PGAP6: variants seen among roughly 807,000 people sequenced by gnomAD.
PGAP6 encodes post-GPI attachment to proteins factor 6.
A neutral mutation model predicts 68.4 loss-of-function variants in PGAP6; 62 were observed. That is an observed-to-expected ratio of 0.91 (90% CI 0.74 to 1.12). The LOEUF is 1.12. Among genes scored for constraint, PGAP6 ranks in the 50% most tolerant of loss-of-function variants. PGAP6 has a pLI of 0.00. For missense variants in PGAP6, 1,188 were observed against 1,068.5 expected (o/e 1.11, Z -1.56); for synonymous variants, 575 against 474.0 (o/e 1.21, Z -2.77).
At chr16:380,798 G>A (rs1855626530) in intron 1 of PGAP6, among the ~76,000 whole-genome samples, 2 of 144,128 alleles carry the variant, frequency 1.4e-5, no homozygotes, top group South Asian at 2.1e-4. Context: ...TCAGGGGCAG[G>A]GGAGGGGAGG....
intron 11 of PGAP6, 37 bp downstream of exon 11, chr16:373,968 C>T (rs1036187510): frequency 1.9e-6 from 3 of 1,565,304 alleles, no homozygotes; most frequent in South Asian, 1.1e-5. Context: ...GGGCCCTGCT[C>T]CCCCGGAGCC....
intron 1 of PGAP6, among the ~76,000 whole-genome samples, chr16:380,821 G>T (rs1472280233): frequency 6.6e-6 from 1 of 152,128 alleles, no homozygotes; most frequent in Non-Finnish European, 1.5e-5. Context: ...CTGGGGGCCG[G>T]GAAGTCGGGG....
At position 377,403 on chromosome 16, in the gene PGAP6, G is replaced by C. The variant is rs1291590836; in HGVS notation, c.482C>G (p.Pro161Arg). 2.5e-6 allele frequency: 4 copies of C among 1,604,112 alleles called. No individual in the cohort carries two copies. Among genetic ancestry groups the C allele is most frequent in the Non-Finnish European group, 2.6e-6 (3 of 1,175,172 alleles). The change falls in exon 3 of 13, where the codon CCC becomes CGC. Residue 161 changes from proline to arginine, a missense_variant. By Grantham distance (103) the Pro-to-Arg change is moderately radical. Transcript: ENST00000431232. Reference sequence around the variant, plus strand: ...CTTCAACTCGATCTTCTGGGATGAGGGGGGCAGGTGGGCGGCCACGAACCA... The same window carrying C: ...CTTCAACTCGATCTTCTGGGATGAGCGGGGCAGGTGGGCGGCCACGAACCA... ...GDWFVAAHLP[P>R]SSQKIELKGL...
chr16:379,548 G>A (rs1567326274), intron 1 of PGAP6, among the ~76,000 whole-genome samples: 1 of 152,236 alleles, frequency 6.6e-6, no homozygotes, highest in South Asian at 2.1e-4. Flanking sequence ...GGACCACGGT[G>A]TCCCGGAGAA....
chr16:375,473 C>G, intron 6 of PGAP6, 38 bp from the exon 7 acceptor site: 1 of 1,592,486 alleles, frequency 6.3e-7, no homozygotes, highest in Non-Finnish European at 8.6e-7. Flanking sequence ...CTCCAGCAGC[C>G]CCTGGCCGCA....
chr16:375,527 G>A lies in PGAP6; in HGVS notation c.1225-92C>T, dbSNP rs1482286895. 4 of 1,065,884 alleles carry A rather than the reference G, an allele frequency of 3.8e-6. No homozygotes were observed. In the East Asian group the frequency reaches 7.3e-5, roughly 20 times the overall value. The allele number at this position is 1,065,884 out of a possible 1,614,324, so 66.0% of individuals were successfully genotyped here. On this transcript the variant is annotated intron_variant, in intron 6 of 12. Coordinates refer to ENST00000431232, the MANE Select transcript of PGAP6 (RefSeq NM_021259.3). ...CGTGCCAGCTCAGCCTGGTGCTGGTGCCTTTCTTTTTTTTTTTTTTTCTGA... is the reference window on the plus strand; with the variant it reads ...CGTGCCAGCTCAGCCTGGTGCTGGTACCTTTCTTTTTTTTTTTTTTTCTGA...
rs148128206 is a variant in PGAP6, at chr16:372,113, G to C, written c.2190C>G (p.Ala730=). Residue 730 remains alanine (A), a synonymous_variant, in exon 13 of 13, where the codon GCC becomes GCG. Transcript: ENST00000431232. ...YTHSIWHILL[A]GSAALLLPPP... The stretch of plus-strand genomic sequence containing the variant: ...GCGGCAGCAGCAAGGCTGCGCTCCC[G>C]GCCAGCAGGATGTGCCAGATGCTGT... 1.2e-6 allele frequency: 2 copies of C among 1,612,786 alleles called. No individual in the cohort carries two copies. Among genetic ancestry groups the C allele is most frequent in the South Asian group, 2.2e-5 (2 of 91,082 alleles).
At chr16:382,069 A>T, upstream of PGAP6, 1 of 335,332 alleles carries the variant, frequency 3.0e-6, no homozygotes, top group Non-Finnish European at 4.3e-6. Flanking sequence ...CGCCGGGGGG[A>T]GGGGTCACGT....
chr16:386,883 C>T (rs13331152), upstream of PGAP6: 503 of 637,672 alleles, frequency 7.9e-4, 3 homozygotes, highest in African/African-American at 8.4e-3. Flanking sequence ...AAAGAAGACC[C>T]GCACGTCACT....
At position 377,104 on chromosome 16, in the gene PGAP6, C is replaced by T. The variant is rs188916367; in HGVS notation, c.568G>A (p.Glu190Lys). ...ACGTCCGGCTCCATGATGGAAATCT[C>T]GACCACCCGCGTGACCAGCAGTTCA... Reference protein sequence around the residue: ...QPELLVTRVVEISIMEPDVPL... With the variant: ...QPELLVTRVVKISIMEPDVPL... Residue 190 changes from glutamate (E) to lysine (K), a missense_variant, in exon 4 of 13, where the codon GAG becomes AAG. Physicochemically the swap from Glu to Lys is moderately conservative, Grantham distance 56 (BLOSUM62 1). Transcript: ENST00000431232. 208 of 1,613,574 alleles carry T rather than the reference C, an allele frequency of 1.3e-4. 1 individual carries two copies. The East Asian group carries it at 3.8e-3, about 30-fold the overall frequency.
chr16:386,726 C>CAA (rs10544230), upstream of PGAP6: 2,959 of 308,868 alleles, frequency 9.6e-3, no homozygotes, highest in East Asian at 0.012. Flanking sequence ...AAAAAAAAAC[C>CAA]AAAAAAAAAA....
At chr16:385,777 A>G (rs1054421889), upstream of PGAP6, among the ~76,000 whole-genome samples, 1 of 150,846 alleles carries the variant, frequency 6.6e-6, no homozygotes, top group Non-Finnish European at 1.5e-5. Flanking sequence ...GGCGCCTGCC[A>G]ACACACCCGG....
At chr16:386,439 C>T (rs577943654), upstream of PGAP6, among the ~76,000 whole-genome samples, 3 of 152,000 alleles carry the variant, frequency 2.0e-5, no homozygotes, top group Non-Finnish European at 4.4e-5. Context: ...CTTCCCACTC[C>T]GCCCCGAGTT....
chr16:382,749 AG>A (rs1174169560), upstream of PGAP6, among the ~76,000 whole-genome samples: 2 of 91,830 alleles, frequency 2.2e-5, no homozygotes, highest in Non-Finnish European at 4.8e-5. Flanking sequence ...CGTGGGTGGG[AG>A]GGGGGTGGGG....
upstream of PGAP6, among the ~76,000 whole-genome samples, chr16:385,653 C>G (rs2054479081): frequency 1.3e-5 from 1 of 78,638 alleles, no homozygotes; most frequent in African/African-American, 5.2e-5. Flanking sequence ...GAGATGGAAT[C>G]TCGCTCTGTC....
In PGAP6 at chr16:376,430, G is replaced by T; in HGVS notation, c.930C>A (p.Ile310=). 1 of 1,584,238 alleles carries T rather than the reference G, an allele frequency of 6.3e-7. No individual in the cohort carries two copies. Residue 310 remains isoleucine (I), a synonymous_variant, in exon 6 of 13, where the codon ATC becomes ATA. Transcript: ENST00000431232. ...LTACRPRSVT[I]QPLLQSSQNQ... is the part of the protein sequence containing the mutation. ...TTTGGCTGCTCTGCAGAAGGGGCTGGATGGTCACGCTCCGTGGCCTGCAAG... is the reference window on the plus strand; with the variant it reads ...TTTGGCTGCTCTGCAGAAGGGGCTGTATGGTCACGCTCCGTGGCCTGCAAG...
chr16:374,418 G>A lies in PGAP6; in HGVS notation c.1577-19C>T, dbSNP rs372309865. On this transcript the variant is annotated intron_variant, in intron 9 of 12. Transcript: ENST00000431232. ...CGCCAGCCTGCGGTCACAAAACCCC[G>A]ACGCGGAGGCTGGGGGCACTGCTGA... The A allele has an allele frequency of 2.3e-5, 35 of 1,549,774 alleles. No individual in the cohort carries two copies. The highest frequency in any genetic ancestry group is 2.2e-4 in the African/African-American group (16 of 73,608).
intron 11 of PGAP6, among the ~76,000 whole-genome samples, chr16:373,200 C>G (rs974602221): frequency 6.6e-6 from 1 of 152,234 alleles, no homozygotes; most frequent in African/African-American, 2.4e-5. Context: ...CCTGCAGGAC[C>G]CTGGTGCTTC....
chr16:378,977 G>A (rs1055374460), intron 1 of PGAP6, among the ~76,000 whole-genome samples: 4 of 152,182 alleles, frequency 2.6e-5, no homozygotes, highest in African/African-American at 9.7e-5. Context: ...CCAGCCCCCC[G>A]TGCCAGCTCC....
Sources: allele counts gnomAD v4.1 joint callset (sites outside exome capture counted in the v4.1 genomes callset), GRCh38; gene constraint gnomAD v4.1.1; transcripts MANE v1.5; gene names NCBI Gene and HGNC (gene_info 2026-07-23, HGNC 2026-07-21).